MTCH1: variants seen among roughly 807,000 people sequenced by gnomAD.
The protein encoded by MTCH1 is mitochondrial carrier 1, also known as mitochondrial carrier homolog 1.
Under a neutral mutation model 49.3 loss-of-function variants are expected in MTCH1, and 23 were observed. That is an observed-to-expected ratio of 0.47 (90% confidence interval 0.34 to 0.66). The LOEUF (loss-of-function observed/expected upper bound fraction) is 0.66, where lower values mean the gene tolerates loss of function less well. Ranked by LOEUF, MTCH1 falls within the 30% of genes least tolerant of loss-of-function variation. The pLI, the probability that MTCH1 is intolerant of heterozygous loss-of-function variation, is 0.01. For synonymous variants in MTCH1, 229 were observed against 215.2 expected, an observed-to-expected ratio of 1.06 and a Z score of -0.56; for missense variants, 397 against 532.1, an observed-to-expected ratio of 0.75 and a Z score of 2.50.
rs1763908426 is a variant in MTCH1 at position 36,977,136 on chromosome 6, G to A, written c.701+63C>T. 1.3e-6 allele frequency: 2 copies of A among 1,556,158 alleles called. No individual in the cohort carries two copies. Among genetic ancestry groups the A allele is most frequent in the East Asian group, 4.5e-5 (2 of 44,616 alleles). Reference sequence around the variant, plus strand: ...AGGTGCAGCAACCAATCCCAGCACGGCCTGCCCTGGCCGACTCTGAAAGGG... The same window carrying A: ...AGGTGCAGCAACCAATCCCAGCACGACCTGCCCTGGCCGACTCTGAAAGGG... On this transcript the variant is annotated intron_variant, in intron 6 of 11. Transcript: ENST00000373627. This position sits in a 1 kb window ranked among gnomAD's most constrained non-coding sequence, Gnocchi z 5.4.
chr6:36,986,217 C>T, upstream of MTCH1: 2 of 1,385,074 alleles, frequency 1.4e-6, no homozygotes, highest in Non-Finnish European at 9.3e-7. Context: ...GACGGGGCCA[C>T]GCCCCCTCAC....
In MTCH1 at chr6:36,978,075, C is replaced by T; in HGVS notation, c.591+3G>A. 6.2e-7 allele frequency: 1 copy of T among 1,610,122 alleles called. No homozygotes were observed. The highest frequency in any genetic ancestry group is 8.5e-7 in the Non-Finnish European group (1 of 1,176,312). On this transcript the variant is annotated splice_donor_region_variant and intron_variant, in intron 4 of 11. Coordinates refer to ENST00000373627, the MANE Select transcript of MTCH1 (RefSeq NM_001271641.2). ...CTCTCCCTCTCCAACTCTCAACACC[C>T]ACCTCCTTCACAACTTTCTTCAGGG...
intron 7 of MTCH1, among the ~76,000 whole-genome samples, chr6:36,974,455 T>A (rs1763791210): frequency 6.6e-6 from 1 of 152,214 alleles, no homozygotes; most frequent in South Asian, 2.1e-4. Flanking sequence ...TCCTCCCGCC[T>A]TGGTCTCCTG....
Position 36,972,760 on chromosome 6 carries a change from G to T in MTCH1, c.798C>A (p.Phe266Leu). ...GGGCCAGCAGGTTACAGCCCCACAAGAAAACCACATCGCCCAGGAGGTGAG... is the reference window on the plus strand; with the variant it reads ...GGGCCAGCAGGTTACAGCCCCACAATAAAACCACATCGCCCAGGAGGTGAG... ...LIPHLLGDVV[F>L]LWGCNLLAHF... The change falls in exon 8 of 12, where the codon TTC (phenylalanine) becomes TTA (leucine). Residue 266 changes from phenylalanine to leucine, a missense_variant. By Grantham distance (22) the Phe-to-Leu change is conservative. Coordinates refer to ENST00000373627, the MANE Select transcript of MTCH1 (RefSeq NM_001271641.2). This position sits in a 1 kb window ranked among gnomAD's most constrained non-coding sequence, Gnocchi z 4.1. 1 of 1,553,566 alleles carries T rather than the reference G, an allele frequency of 6.4e-7. No individual in the cohort carries two copies. The highest frequency in any genetic ancestry group is 2.4e-5 in the East Asian group (1 of 41,180).
intron 1 of MTCH1, among the ~76,000 whole-genome samples, chr6:36,985,471 T>C (rs1388140470): frequency 6.6e-6 from 1 of 151,820 alleles, no homozygotes; most frequent in African/African-American, 2.4e-5. Flanking sequence ...CCCAATTCTA[T>C]TGCTTCTTCC....
chr6:36,974,278 G>A (rs1763785318), intron 7 of MTCH1, among the ~76,000 whole-genome samples: 1 of 152,014 alleles, frequency 6.6e-6, no homozygotes, highest in Admixed American at 6.6e-5. Flanking sequence ...ATAGCTCACT[G>A]CAGTCTCCAA....
chr6:36,981,752 C>T, intron 1 of MTCH1, 80 bp from the exon 2 acceptor site: 2 of 1,166,726 alleles, frequency 1.7e-6, no homozygotes, highest in Non-Finnish European at 1.2e-6. Context: ...CACCTCTTGC[C>T]CCCTTTGCTT....
chr6:36,973,319 A>C lies in MTCH1; in HGVS notation c.762-523T>G, dbSNP rs373001884. 3.7e-3 allele frequency among the ~76,000 whole-genome samples: 562 copies of C among 152,316 alleles called. 6 individuals are homozygous for C. Among genetic ancestry groups the C allele is most frequent in the African/African-American group, 0.011 (444 of 41,574 alleles). ...ATAAACTGCTAAGGAAGGTTCCCCA[A>C]GATGCAGTGCTGAGGGCAAAAGGCC... is the stretch of plus-strand genomic sequence containing the variant. On this transcript the variant is annotated intron_variant, in intron 7 of 11. Coordinates refer to ENST00000373627, the MANE Select transcript of MTCH1 (RefSeq NM_001271641.2).
At chr6:36,970,516 C>T in intron 9 of MTCH1, 43 bp from the exon 10 acceptor site, 4 of 1,611,460 alleles carry the variant, frequency 2.5e-6, no homozygotes, top group Non-Finnish European at 3.4e-6. Flanking sequence ...CCACCCCGGC[C>T]CAGGGAGCAG....
At position 36,982,826 on chromosome 6, in the gene MTCH1, G is replaced by C. The variant is rs944745869; in HGVS notation, c.322-1154C>G. On this transcript the variant is annotated intron_variant, in intron 1 of 11. Coordinates refer to ENST00000373627, the MANE Select transcript of MTCH1 (RefSeq NM_001271641.2). The surrounding 1 kb of genome is among the most constrained non-coding windows in gnomAD (Gnocchi z 4.1). Reference sequence around the variant, plus strand: ...TCAAGGAGACCAGCACCTAGGTGGGGAGTGAGAAGGCTCCTTCCTCCCTTG... The same window carrying C: ...TCAAGGAGACCAGCACCTAGGTGGGCAGTGAGAAGGCTCCTTCCTCCCTTG... Among the ~76,000 whole-genome samples, 5 of 152,230 alleles carry C rather than the reference G, an allele frequency of 3.3e-5. No individual in the cohort carries two copies. Among genetic ancestry groups the C allele is most frequent in the Non-Finnish European group, 7.3e-5 (5 of 68,040 alleles).
chr6:36,977,547 C>T lies in MTCH1; in HGVS notation c.649+87G>A. The T allele has an allele frequency of 1.1e-6, 1 of 913,866 alleles. No homozygotes were observed. 56.6% of individuals were successfully genotyped at this position (913,866 alleles called of 1,614,324 possible). Reference sequence around the variant, plus strand: ...CACTTCCCAACAGGTCTACGGCTGTCTATGTACAGTCCACGAGGGGGCGCC... The same window carrying T: ...CACTTCCCAACAGGTCTACGGCTGTTTATGTACAGTCCACGAGGGGGCGCC... On this transcript the variant is annotated intron_variant, in intron 5 of 11. Coordinates refer to ENST00000373627, the MANE Select transcript of MTCH1 (RefSeq NM_001271641.2). This position sits in a 1 kb window ranked among gnomAD's most constrained non-coding sequence, Gnocchi z 5.4.
At chr6:36,970,800 C>T (rs753372579) in intron 8 of MTCH1, 106 bp from the exon 9 acceptor site, 73 of 1,239,560 alleles carry the variant, frequency 5.9e-5, no homozygotes, top group Non-Finnish European at 7.8e-5. Context: ...CTCACAAGCA[C>T]GCTGCACATG....
chr6:36,970,762 C>G, intron 8 of MTCH1, 68 bp from the exon 9 acceptor site: 1 of 1,509,746 alleles, frequency 6.6e-7, no homozygotes, highest in Non-Finnish European at 9.1e-7. Context: ...GCAACACATG[C>G]CCTCACCCCA....
rs1368926854 is a variant in MTCH1 at position 36,986,095 on chromosome 6, C to G, written c.79G>C (p.Gly27Arg). Residue 27 changes from glycine to arginine, a missense_variant, in exon 1 of 12, where the codon GGA (glycine) becomes CGA (arginine). Gly to Arg is a moderately radical substitution (Grantham distance 125, BLOSUM62 -2). Transcript: ENST00000373627. ...CCCGCCGCCGCTCCGCCGCGAGCTCCGGCTCCAGCTCCGGCTCCCGCCATC... is the reference window on the plus strand; with the variant it reads ...CCCGCCGCCGCTCCGCCGCGAGCTCGGGCTCCAGCTCCGGCTCCCGCCATC... ...AGMAGAGAGA[G>R]ARGGAAAGVE... The G allele has an allele frequency of 2.1e-6, 3 of 1,435,516 alleles. No homozygotes were observed. The highest frequency in any genetic ancestry group is 1.8e-6 in the Non-Finnish European group (2 of 1,105,926). 88.9% of individuals were successfully genotyped at this position (1,435,516 alleles called of 1,614,324 possible). A position where few individuals can be genotyped will look rare whatever the true frequency, so the allele number is the denominator to read the frequency against.
chr6:36,969,016 C>G (rs775917607), intron 11 of MTCH1, 42 bp from the exon 12 acceptor site: 1 of 1,607,678 alleles, frequency 6.2e-7, no homozygotes, highest in Admixed American at 1.7e-5. Context: ...AGGGAGGCCA[C>G]GCTTCCTTGT....
chr6:36,979,633 T>C (rs1371532567), intron 2 of MTCH1, among the ~76,000 whole-genome samples: 1 of 152,052 alleles, frequency 6.6e-6, no homozygotes, highest in Non-Finnish European at 1.5e-5. Flanking sequence ...TGTGATTGCC[T>C]GAGATGAGGG....
At chr6:36,983,915 G>A (rs1360296193) in intron 1 of MTCH1, among the ~76,000 whole-genome samples, 1 of 152,054 alleles carries the variant, frequency 6.6e-6, no homozygotes, top group East Asian at 1.9e-4. Context: ...AATCAGACAG[G>A]CACCTCTGGT....
intron 6 of MTCH1, chr6:36,976,537 A>G (rs1231503324): frequency 2.1e-6 from 1 of 471,174 alleles, no homozygotes; most frequent in Non-Finnish European, 4.4e-6. Flanking sequence ...TTTCCCATTA[A>G]TGACCCCAAA....
chr6:36,974,207 T>G (rs2150747128), intron 7 of MTCH1, among the ~76,000 whole-genome samples: 1 of 152,250 alleles, frequency 6.6e-6, no homozygotes, highest in African/African-American at 2.4e-5. Context: ...GAATAATTTT[T>G]TTTTTCCCCA....
Sources: allele counts gnomAD v4.1 joint callset (sites outside exome capture counted in the v4.1 genomes callset), GRCh38; gene constraint gnomAD v4.1.1; non-coding constraint Gnocchi (gnomAD v3.1); transcripts MANE v1.5; gene names NCBI Gene and HGNC (gene_info 2026-07-23, HGNC 2026-07-21).